AGPS: variants seen among roughly 807,000 people sequenced by gnomAD.
The protein encoded by AGPS is alkylglycerone phosphate synthase, also known as alkyldihydroxyacetonephosphate synthase, peroxisomal.
Under a neutral mutation model 90.7 loss-of-function variants are expected in AGPS, and 26 were observed. The ratio of observed to expected loss-of-function variants is 0.29; its 90% CI spans 0.21 to 0.40. AGPS has a LOEUF of 0.40. AGPS is among the 10% of genes least tolerant of loss of function. AGPS has a pLI of 1.00. For synonymous variants in AGPS, 294 were observed against 285.3 expected, an observed-to-expected ratio of 1.03 and a Z score of -0.31; for missense variants, 540 against 816.1, an observed-to-expected ratio of 0.66 and a Z score of 4.12.
intron 15 of AGPS, among the ~76,000 whole-genome samples, chr2:177,505,948 T>C (rs1688697735): frequency 1.3e-5 from 2 of 152,064 alleles, no homozygotes; most frequent in African/African-American, 4.8e-5. Flanking sequence ...AACTGTGTTG[T>C]AAAATTTTGA....
intron 19 of AGPS, among the ~76,000 whole-genome samples, chr2:177,526,476 C>T (rs542335594): frequency 1.6e-4 from 25 of 152,192 alleles, no homozygotes; most frequent in African/African-American, 5.5e-4. Context: ...ATGATCCGCC[C>T]ACCTCAGCCT....
At chr2:177,531,289 A>G (rs6715365) in intron 19 of AGPS, among the ~76,000 whole-genome samples, 131,861 of 152,092 alleles carry the variant, frequency 0.87, 57,370 homozygotes, top group East Asian at 0.98. Flanking sequence ...TACAAAAACA[A>G]AGTCAGCAAG....
At chr2:177,522,483 T>A (rs962543164) in intron 18 of AGPS, among the ~76,000 whole-genome samples, 6 of 152,162 alleles carry the variant, frequency 3.9e-5, no homozygotes, top group Admixed American at 1.3e-4. Flanking sequence ...GAAGTCTCAC[T>A]CTGTTGCCCA....
At chr2:177,402,952 G>A (rs1433270160) in intron 1 of AGPS, among the ~76,000 whole-genome samples, 2 of 152,186 alleles carry the variant, frequency 1.3e-5, no homozygotes, top group Non-Finnish European at 2.9e-5. Flanking sequence ...AGCTACTCTG[G>A]AGGCTGAGGC....
At chr2:177,393,087 A>C in intron 1 of AGPS, 38 bp downstream of exon 1, 1 of 1,550,226 alleles carries the variant, frequency 6.5e-7, no homozygotes, top group Non-Finnish European at 8.7e-7. Flanking sequence ...GCGTCGAGGG[A>C]CCAGGCCGGG....
chr2:177,501,210 T>C (rs984296426), intron 14 of AGPS, among the ~76,000 whole-genome samples: 2 of 152,136 alleles, frequency 1.3e-5, no homozygotes, highest in African/African-American at 4.8e-5. Context: ...TAACTGTATA[T>C]AGAGTTAAAT....
rs765434432 is a variant in AGPS, at chr2:177,505,554, C to T, written c.1524C>T (p.Thr508=). ...EDNGQRGYLL[T]YVIAYIRDLA... is the part of the protein sequence containing the mutation. ...ATGGACAGAGAGGTTATTTGCTGAC[C>T]TATGTTATTGCATACATTCGAGTAA... is the stretch of plus-strand genomic sequence containing the variant. The change falls in exon 15 of 20, where the codon ACC becomes ACT. Residue 508 remains threonine (T), a synonymous_variant. Coordinates refer to ENST00000264167, the MANE Select transcript of AGPS (RefSeq NM_003659.4). 6.2e-7 allele frequency: 1 copy of T among 1,612,048 alleles called. No individual in the cohort carries two copies. The highest frequency in any genetic ancestry group is 1.1e-5 in the South Asian group (1 of 91,014).
intron 2 of AGPS, among the ~76,000 whole-genome samples, chr2:177,432,758 C>G (rs1338591032): frequency 6.6e-6 from 1 of 152,136 alleles, no homozygotes; most frequent in African/African-American, 2.4e-5. Context: ...GTTTATTTGG[C>G]TCATGGTTCT....
At chr2:177,412,108 C>T (rs1685638844) in intron 1 of AGPS, among the ~76,000 whole-genome samples, 1 of 151,954 alleles carries the variant, frequency 6.6e-6, no homozygotes, top group South Asian at 2.1e-4. Flanking sequence ...TCATTAGATC[C>T]CTTTGGAGAT....
At chr2:177,453,340 C>T (rs1020304811) in intron 8 of AGPS, among the ~76,000 whole-genome samples, 1 of 150,240 alleles carries the variant, frequency 6.7e-6, no homozygotes, top group South Asian at 2.1e-4. Flanking sequence ...GGCCTGATAT[C>T]GGCTCACCAC....
At chr2:177,448,841 C>T (rs952766043) in intron 8 of AGPS, among the ~76,000 whole-genome samples, 3 of 152,148 alleles carry the variant, frequency 2.0e-5, no homozygotes, top group African/African-American at 7.2e-5. Context: ...CACTCCCACC[C>T]ACAACCCTTA....
In AGPS at chr2:177,543,122, A is replaced by G. The variant is rs910252084; in HGVS notation, c.*4927A>G. On this transcript the variant is annotated 3_prime_UTR_variant, in exon 20 of 20. Transcript: ENST00000264167. ...TTTTCCTTCCTACATTTTCATTCCT[A>G]CTGCCCCAACCTAGTAGCCCTAAGT... is the stretch of plus-strand genomic sequence containing the variant. The G allele has an allele frequency of 1.3e-5, 2 of 152,114 alleles. No individual in the cohort carries two copies. The highest frequency in any genetic ancestry group is 2.9e-5 in the Non-Finnish European group (2 of 68,028). 9.4% of individuals were successfully genotyped at this position (152,114 alleles called of 1,614,324 possible). A position where few individuals can be genotyped will look rare whatever the true frequency, so the allele number is the denominator to read the frequency against.
At position 177,436,998 on chromosome 2, in the gene AGPS, T is replaced by C; in HGVS notation, c.581T>C (p.Ile194Thr). Residue 194 changes from isoleucine (I) to threonine (T), a missense_variant, in exon 5 of 20, where the codon ATA becomes ACA. Ile to Thr is a moderately conservative substitution (Grantham distance 89). Around this residue, in one of 2 missense-constraint regions of AGPS, gnomAD observed 405 missense variants for 692.1 expected, o/e 0.59. Transcript: ENST00000264167. The part of the protein sequence containing the change: ...FRAHGHCLHE[I>T]FLLREGMFER... ...AAAACAGGTCATTGTCTTCATGAGATATTTTTGCTCAGGGAAGGAATGTTT... is the reference window on the plus strand; with the variant it reads ...AAAACAGGTCATTGTCTTCATGAGACATTTTTGCTCAGGGAAGGAATGTTT... 6.2e-7 allele frequency: 1 copy of C among 1,613,624 alleles called. No homozygotes were observed. The highest frequency in any genetic ancestry group is 8.5e-7 in the Non-Finnish European group (1 of 1,179,770).
rs11305352 is a variant in AGPS, at chr2:177,409,388, C to CT, written c.261-10865dup. 9.5e-4 allele frequency among the ~76,000 whole-genome samples: 137 copies of CT among 144,522 alleles called. 1 individual carries two copies. The highest frequency in any genetic ancestry group is 2.2e-3 in the African/African-American group (85 of 39,150). The allele number at this position is 144,522 out of a possible 152,430, so 94.8% of individuals were successfully genotyped here. On this transcript the variant is annotated intron_variant, in intron 1 of 19. Transcript: ENST00000264167. ...TGCTCTCAGGTGATATATGATTTGACTTTTTTTTTTTTTTTTACCTCCTGC... is the reference window on the plus strand; with the variant it reads ...TGCTCTCAGGTGATATATGATTTGACTTTTTTTTTTTTTTTTTACCTCCTGC...
At chr2:177,397,169 C>T (rs1364191046) in intron 1 of AGPS, among the ~76,000 whole-genome samples, 1 of 151,994 alleles carries the variant, frequency 6.6e-6, no homozygotes, top group Non-Finnish European at 1.5e-5. Flanking sequence ...GAACCCCTGA[C>T]CTAGTGATCC....
chr2:177,462,339 G>A (rs941684921), intron 9 of AGPS, among the ~76,000 whole-genome samples: 1 of 142,628 alleles, frequency 7.0e-6, no homozygotes, highest in South Asian at 2.2e-4. Flanking sequence ...CTTGCAGTGA[G>A]CCGAAATTGT....
At chr2:177,456,027 A>G (rs1687099919) in intron 8 of AGPS, among the ~76,000 whole-genome samples, 2 of 152,184 alleles carry the variant, frequency 1.3e-5, no homozygotes, top group South Asian at 4.1e-4. Flanking sequence ...TTTTATTAAA[A>G]AAGAAATCTT....
intron 1 of AGPS, among the ~76,000 whole-genome samples, chr2:177,410,296 C>T (rs1034281985): frequency 6.6e-6 from 1 of 152,144 alleles, no homozygotes; most frequent in African/African-American, 2.4e-5. Flanking sequence ...ATGACCCTGG[C>T]AGCATAAGAC....
At chr2:177,407,895 G>A (rs1685509944) in intron 1 of AGPS, among the ~76,000 whole-genome samples, 1 of 151,388 alleles carries the variant, frequency 6.6e-6, no homozygotes, top group South Asian at 2.1e-4. Context: ...GAACTCCTGG[G>A]CTCAAGAACC....
Sources: allele counts gnomAD v4.1 joint callset (sites outside exome capture counted in the v4.1 genomes callset), GRCh38; gene constraint gnomAD v4.1.1; regional missense constraint gnomAD v4.1.1; transcripts MANE v1.5; gene names NCBI Gene and HGNC (gene_info 2026-07-23, HGNC 2026-07-21).